The following SAMMSON variants were observed in gnomAD, a reference collection of about 807,000 sequenced individuals.
SAMMSON encodes long intergenic non-protein coding RNA 1212.
chr3:70,301,126 A>G (rs916593645), intron 7 of SAMMSON, among the ~76,000 whole-genome samples: 3 of 152,136 alleles, frequency 2.0e-5, no homozygotes, highest in Non-Finnish European at 4.4e-5. Context: ...TATTTACACA[A>G]AAGTTCTTTT....
intron 3 of SAMMSON, among the ~76,000 whole-genome samples, chr3:70,041,871 A>G (rs2067107552): frequency 6.6e-6 from 1 of 152,104 alleles, no homozygotes; most frequent in Non-Finnish European, 1.5e-5. Context: ...TAATATAGCA[A>G]TCATTAACAG....
At chr3:70,019,854 G>A (rs138377600) in intron 3 of SAMMSON, among the ~76,000 whole-genome samples, 26 of 152,240 alleles carry the variant, frequency 1.7e-4, no homozygotes, top group African/African-American at 5.8e-4. Context: ...AAGTCTTGCA[G>A]TAAGGAACCC....
intron 7 of SAMMSON, among the ~76,000 whole-genome samples, chr3:70,296,940 C>G (rs1702294998): frequency 6.6e-6 from 1 of 151,906 alleles, no homozygotes. Flanking sequence ...TGTGATCTGC[C>G]TCTCTGGTCT....
intron 7 of SAMMSON, among the ~76,000 whole-genome samples, chr3:70,316,716 A>G (rs761352831): frequency 3.9e-4 from 60 of 152,216 alleles, no homozygotes; most frequent in Middle Eastern, 3.4e-3. Context: ...CCATATTTGT[A>G]ACATAGGTTC....
intron 4 of SAMMSON, among the ~76,000 whole-genome samples, chr3:70,170,489 C>T (rs1014592093): frequency 1.1e-4 from 16 of 151,072 alleles, no homozygotes; most frequent in South Asian, 6.3e-4. Context: ...TACTTTATAC[C>T]GCACAATTAA....
intron 4 of SAMMSON, among the ~76,000 whole-genome samples, chr3:70,237,979 C>CTTTTTTTTTTTTT (rs71672662): frequency 0.015 from 713 of 48,930 alleles, 245 homozygotes; most frequent in African/African-American, 0.038. Flanking sequence ...TGAGTGGTAT[C>CTTTTTTTTTTTTT]TTTTTTTTTT....
intron 3 of SAMMSON, among the ~76,000 whole-genome samples, chr3:70,034,739 G>T (rs898519838): frequency 6.6e-6 from 1 of 152,104 alleles, no homozygotes; most frequent in Admixed American, 6.6e-5. Context: ...AGCTACTCAG[G>T]AGGCTGAGGC....
At chr3:70,429,436 C>G (rs1701396228) in intron 2 of SAMMSON, among the ~76,000 whole-genome samples, 1 of 152,066 alleles carries the variant, frequency 6.6e-6, no homozygotes, top group Admixed American at 6.5e-5. Context: ...TTAGGATTGT[C>G]TTGGCTATAC....
chr3:70,071,555 T>C (rs895781369), exon 4 of SAMMSON: 1 of 152,018 alleles, frequency 6.6e-6, no homozygotes, highest in Non-Finnish European at 1.5e-5. Flanking sequence ...GAAACATCTA[T>C]TGCATTTTCT....
chr3:70,190,621 C>G (rs1701124375), intron 4 of SAMMSON, among the ~76,000 whole-genome samples: 1 of 152,186 alleles, frequency 6.6e-6, no homozygotes, highest in Non-Finnish European at 1.5e-5. Flanking sequence ...TGGTGCCACA[C>G]AGATACTTTT....
intron 4 of SAMMSON, among the ~76,000 whole-genome samples, chr3:70,099,271 A>AT (rs2067334145): frequency 6.6e-6 from 1 of 152,216 alleles, no homozygotes; most frequent in Non-Finnish European, 1.5e-5. Context: ...GGCGTTTTAA[A>AT]CTTTTATTGA....
chr3:70,141,380 A>G (rs917729144), intron 4 of SAMMSON, among the ~76,000 whole-genome samples: 2 of 152,176 alleles, frequency 1.3e-5, no homozygotes, highest in African/African-American at 4.8e-5. Context: ...TGGATGTCCC[A>G]GCTCTAAGAA....
chr3:70,080,351 G>C (rs2067263548), intron 4 of SAMMSON, among the ~76,000 whole-genome samples: 1 of 152,174 alleles, frequency 6.6e-6, no homozygotes, highest in Non-Finnish European at 1.5e-5. Context: ...CTATTCGTCA[G>C]CAACCCAACC....
chr3:70,341,607 A>G (rs1702710753), intron 7 of SAMMSON, among the ~76,000 whole-genome samples: 1 of 152,144 alleles, frequency 6.6e-6, no homozygotes, highest in African/African-American at 2.4e-5. Flanking sequence ...CTTATATAAG[A>G]AGACAAAACC....
intron 3 of SAMMSON, among the ~76,000 whole-genome samples, chr3:70,022,731 C>G (rs143293562): frequency 1.1e-4 from 17 of 152,282 alleles, no homozygotes; most frequent in African/African-American, 3.9e-4. Flanking sequence ...TTCACTGATT[C>G]TCATCAAGTT....
At chr3:70,185,952 G>C (rs1172148384) in intron 4 of SAMMSON, among the ~76,000 whole-genome samples, 2 of 152,036 alleles carry the variant, frequency 1.3e-5, no homozygotes, top group Non-Finnish European at 2.9e-5. Flanking sequence ...ACTCCAGTCT[G>C]GGCAACAAAG....
At chr3:70,149,533 G>A (rs985604582) in intron 4 of SAMMSON, among the ~76,000 whole-genome samples, 21 of 152,044 alleles carry the variant, frequency 1.4e-4, no homozygotes, top group African/African-American at 5.1e-4. Context: ...GGTAGCAGGT[G>A]GGGCAGGCAG....
At chr3:70,036,201 T>A (rs2067084506) in intron 3 of SAMMSON, among the ~76,000 whole-genome samples, 1 of 152,196 alleles carries the variant, frequency 6.6e-6, no homozygotes. Flanking sequence ...TTTCAGCTTC[T>A]TTATATGCCT....
At chr3:70,127,352 A>T (rs1472367283) in intron 4 of SAMMSON, 1 of 152,126 alleles carries the variant, frequency 6.6e-6, no homozygotes. Flanking sequence ...ACAGCAGCCC[A>T]TGGGTGTTTA....
Sources: gnomAD v4.1 joint callset for allele counts (sites outside exome capture counted in the v4.1 genomes callset) on GRCh38, gnomAD v4.1.1 for gene constraint, MANE v1.5 for transcripts, NCBI Gene and HGNC (gene_info 2026-07-23, HGNC 2026-07-21) for gene names.